The following GNAL variants were observed in gnomAD, a reference collection of about 807,000 sequenced individuals.
GNAL encodes G protein subunit alpha L, also known as guanine nucleotide-binding protein G(olf) subunit alpha.
In GNAL, 18 loss-of-function variants were observed where a neutral mutation model predicts 55.1. That is an observed-to-expected ratio of 0.33 (90% CI 0.23 to 0.48). The LOEUF is 0.48. GNAL is among the 20% of genes least tolerant of loss of function. The pLI is 0.99. For missense variants in GNAL, 412 were observed against 614.1 expected, an observed-to-expected ratio of 0.67 and a Z score of 3.48; for synonymous variants, 253 against 237.0, an observed-to-expected ratio of 1.07 and a Z score of -0.62.
At chr18:11,773,088 C>T (rs2033681214) in intron 4 of GNAL, among the ~76,000 whole-genome samples, 1 of 152,212 alleles carries the variant, frequency 6.6e-6, no homozygotes, top group Non-Finnish European at 1.5e-5. Flanking sequence ...CCACCATCAT[C>T]TCTACTGGGA....
intron 1 of GNAL, among the ~76,000 whole-genome samples, chr18:11,721,442 T>A (rs1156740373): frequency 6.6e-6 from 1 of 152,162 alleles, no homozygotes; most frequent in East Asian, 1.9e-4. Flanking sequence ...GAATTAATGT[T>A]TCCTTAATGC....
chr18:11,881,507 C>T lies in GNAL; in HGVS notation c.*372C>T, dbSNP rs1052561323. 23 of 77,510 alleles carry T rather than the reference C, an allele frequency of 3.0e-4. No homozygotes were observed. Among genetic ancestry groups the T allele is most frequent in the African/African-American group, 6.1e-4 (4 of 6,528 alleles). 4.8% of individuals were successfully genotyped at this position (77,510 alleles called of 1,614,324 possible). A position where few individuals can be genotyped will look rare whatever the true frequency, so the allele number is the denominator to read the frequency against. On this transcript the variant is annotated 3_prime_UTR_variant, in exon 12 of 12. Transcript: ENST00000334049. The surrounding 1 kb of genome is among the most constrained non-coding windows in gnomAD (Gnocchi z 4.8). ...ACGTTATCAACCGTGACTGCAAGAGCGTTCGTGCAGTGCCCTGAGCCACGG... is the reference window on the plus strand; with the variant it reads ...ACGTTATCAACCGTGACTGCAAGAGTGTTCGTGCAGTGCCCTGAGCCACGG...
chr18:11,875,878 C>T (rs906678773), intron 10 of GNAL, among the ~76,000 whole-genome samples: 28 of 152,170 alleles, frequency 1.8e-4, no homozygotes, highest in Non-Finnish European at 2.9e-4. Context: ...AGACACCGGC[C>T]GATTCAGTGT....
intron 6 of GNAL, among the ~76,000 whole-genome samples, chr18:11,862,794 C>T (rs995644894): frequency 6.6e-6 from 1 of 151,768 alleles, no homozygotes; most frequent in Admixed American, 6.6e-5. Context: ...TGGCCCTGGG[C>T]CTGGGGGGTC....
At chr18:11,811,539 T>A (rs2034817054) in intron 4 of GNAL, 1 of 152,182 alleles carries the variant, frequency 6.6e-6, no homozygotes, top group South Asian at 2.1e-4. Flanking sequence ...CCAGCCGGGA[T>A]TCGAACCCCA....
At chr18:11,860,189 G>A (rs2036100561) in intron 5 of GNAL, among the ~76,000 whole-genome samples, 1 of 152,148 alleles carries the variant, frequency 6.6e-6, no homozygotes, top group Admixed American at 6.5e-5. Context: ...CGCTATGAAA[G>A]GCCATCCCAA....
chr18:11,815,947 A>G (rs2034943703), intron 4 of GNAL, among the ~76,000 whole-genome samples: 1 of 152,242 alleles, frequency 6.6e-6, no homozygotes, highest in Non-Finnish European at 1.5e-5. Flanking sequence ...CATGCCCACT[A>G]GAATAATTAA....
At chr18:11,715,276 G>T (rs1448453543) in intron 1 of GNAL, among the ~76,000 whole-genome samples, 2 of 144,660 alleles carry the variant, frequency 1.4e-5, no homozygotes, top group Non-Finnish European at 3.0e-5. Context: ...TGGCTAACAC[G>T]GTGAAACCCT....
intron 4 of GNAL, among the ~76,000 whole-genome samples, chr18:11,782,539 G>A (rs1047193500): frequency 3.3e-5 from 5 of 152,138 alleles, no homozygotes; most frequent in African/African-American, 9.7e-5. Flanking sequence ...AATGATAGTC[G>A]TAACATTCAG....
At chr18:11,727,654 A>G (rs559730366) in intron 1 of GNAL, among the ~76,000 whole-genome samples, 1 of 152,170 alleles carries the variant, frequency 6.6e-6, no homozygotes, top group Non-Finnish European at 1.5e-5. Flanking sequence ...TTTAATCCAG[A>G]CCCTTTTCCA....
intron 5 of GNAL, among the ~76,000 whole-genome samples, chr18:11,838,064 G>A (rs1205537069): frequency 4.6e-5 from 7 of 152,096 alleles, no homozygotes; most frequent in Non-Finnish European, 7.4e-5. Flanking sequence ...CCAGGAGGTC[G>A]AGGCTTCAGT....
chr18:11,818,185 C>T (rs1261045972), intron 4 of GNAL, among the ~76,000 whole-genome samples: 1 of 151,952 alleles, frequency 6.6e-6, no homozygotes, highest in Non-Finnish European at 1.5e-5. Context: ...TTTAGATAAA[C>T]TGTGTAACAT....
intron 4 of GNAL, among the ~76,000 whole-genome samples, chr18:11,815,580 C>T (rs1175445138): frequency 6.6e-6 from 1 of 152,140 alleles, no homozygotes; most frequent in Non-Finnish European, 1.5e-5. Flanking sequence ...GATCCAGTCA[C>T]CTCCCACCAG....
At chr18:11,865,690 G>A (rs1029500190) in intron 7 of GNAL, among the ~76,000 whole-genome samples, 1 of 145,610 alleles carries the variant, frequency 6.9e-6, no homozygotes, top group South Asian at 2.1e-4. Context: ...AGGAATTCAA[G>A]GCTGCAGTGG....
chr18:11,746,259 G>A, intron 1 of GNAL: 1 of 424,618 alleles, frequency 2.4e-6, no homozygotes, highest in South Asian at 1.8e-5. Flanking sequence ...CTCTTCTCAG[G>A]TTTAGAGACA....
chr18:11,708,557 C>A (rs1567993319), intron 1 of GNAL, among the ~76,000 whole-genome samples: 1 of 152,118 alleles, frequency 6.6e-6, no homozygotes, highest in Non-Finnish European at 1.5e-5. Flanking sequence ...TACAGAGACA[C>A]AAAGTGAGCA....
At position 11,689,607 on chromosome 18, in the gene GNAL, C is replaced by A; in HGVS notation, c.44C>A (p.Pro15Gln). The A allele has an allele frequency of 7.5e-7, 1 of 1,341,918 alleles. No homozygotes were observed. The highest frequency in any genetic ancestry group is 9.5e-7 in the Non-Finnish European group (1 of 1,057,056). The allele number at this position is 1,341,918 out of a possible 1,614,324, so 83.1% of individuals were successfully genotyped here. Residue 15 changes from proline (P) to glutamine (Q), a missense_variant, in exon 1 of 12, where the codon CCA (proline) becomes CAA (glutamine). Coordinates refer to ENST00000334049, the MANE Select transcript of GNAL (RefSeq NM_182978.4). The stretch of plus-strand genomic sequence containing the variant: ...CTGCGGCCGCTGCTTTTCGGGGGCC[C>A]AGGGGACGACCCCTGCGCGGCCTCG... ...YSLRPLLFGG[P>Q]GDDPCAASEP...
At chr18:11,838,097 C>G (rs761967149) in intron 5 of GNAL, among the ~76,000 whole-genome samples, 11 of 152,142 alleles carry the variant, frequency 7.2e-5, no homozygotes, top group Non-Finnish European at 1.2e-4. Flanking sequence ...CATCACTGCA[C>G]TCCAGCCTAG....
chr18:11,825,041 AG>A, intron 5 of GNAL, 26 bp downstream of exon 5: 1 of 1,226,678 alleles, frequency 8.2e-7, no homozygotes, highest in Non-Finnish European at 1.2e-6. Flanking sequence ...TACAAGTTAC[AG>A]GGCCCTTTGA....
Sources: gnomAD v4.1 joint callset for allele counts (sites outside exome capture counted in the v4.1 genomes callset) on GRCh38, gnomAD v4.1.1 for gene constraint, Gnocchi (gnomAD v3.1) non-coding constraint, MANE v1.5 for transcripts, NCBI Gene and HGNC (gene_info 2026-07-23, HGNC 2026-07-21) for gene names.